The following MACF1 variants were observed in gnomAD, a reference collection of about 807,000 sequenced individuals.
MACF1 encodes microtubule-actin cross-linking factor 1.
MACF1 carries 193 observed loss-of-function variants against 854.8 expected under a neutral mutation model. The observed-to-expected ratio is 0.23, with a 90% CI of 0.20 to 0.25. The LOEUF (loss-of-function observed/expected upper bound fraction) is 0.25, where lower values mean the gene tolerates loss of function less well. MACF1 is among the 10% of genes least tolerant of loss of function. MACF1 has a pLI of 1.00. For missense variants in MACF1, 7,722 were observed against 8,929.1 expected, an observed-to-expected ratio of 0.86 and a Z score of 5.45; for synonymous variants, 3,185 against 3,226.7, an observed-to-expected ratio of 0.99 and a Z score of 0.44.
At chr1:39,471,968 A>G (rs1358255288) in intron 97 of MACF1, among the ~76,000 whole-genome samples, 1 of 152,176 alleles carries the variant, frequency 6.6e-6, no homozygotes, top group Non-Finnish European at 1.5e-5. Flanking sequence ...CTCTATACCC[A>G]TTAAACAATA....
chr1:39,325,774 A>G (rs1223467368), intron 35 of MACF1, among the ~76,000 whole-genome samples: 1 of 152,328 alleles, frequency 6.6e-6, no homozygotes, highest in East Asian at 1.9e-4. Context: ...AAGTAAGAGA[A>G]TTAGTGCCCA....
At chr1:39,101,305 C>T (rs1317172966) in intron 2 of MACF1, among the ~76,000 whole-genome samples, 6 of 147,344 alleles carry the variant, frequency 4.1e-5, no homozygotes, top group South Asian at 2.2e-4. Flanking sequence ...TGCAGTGAGC[C>T]GAGATCACAC....
rs746955922 is a variant in MACF1, at chr1:39,406,756, A to AAAAAAAAAAAAAAAAAAAAAAAAAAAAC, written c.15817-15616_15817-15615insAAAAAAAAAAAAAAAAAAAAAAAAACAA. ...TCTCACTCAAAAAAAAAAAAAAAAA[A>AAAAAAAAAAAAAAAAAAAAAAAAAAAAC]AACATTCTTTATAATAGAATAACCA... On this transcript the variant is annotated intron_variant, in intron 58 of 100. Transcript: ENST00000564288. 8.6e-5 allele frequency among the ~76,000 whole-genome samples: 10 copies of AAAAAAAAAAAAAAAAAAAAAAAAAAAAC among 116,076 alleles called. 1 individual carries two copies. Among genetic ancestry groups the AAAAAAAAAAAAAAAAAAAAAAAAAAAAC allele is most frequent in the South Asian group, 2.6e-4 (1 of 3,820 alleles). The allele number at this position is 116,076 out of a possible 152,430, so 76.2% of individuals were successfully genotyped here.
chr1:39,440,991 G>A lies in MACF1; in HGVS notation c.18448-12G>A, dbSNP rs201415049. On this transcript the variant is annotated splice_polypyrimidine_tract_variant and intron_variant, in intron 72 of 100. Coordinates refer to ENST00000564288, the MANE Select transcript of MACF1 (RefSeq NM_001394062.1). ...TTCTATTTTGGCTTATATTCTATTC[G>A]TTTACATGTAGACTATTAAGGAAGA... is the stretch of plus-strand genomic sequence containing the variant. 1.1e-4 allele frequency: 184 copies of A among 1,613,970 alleles called. No individual in the cohort carries two copies. Among genetic ancestry groups the A allele is most frequent in the Middle Eastern group, 3.3e-4 (2 of 6,060 alleles).
At chr1:39,263,592 C>T (rs1038902045) in intron 6 of MACF1, among the ~76,000 whole-genome samples, 2 of 151,976 alleles carry the variant, frequency 1.3e-5, no homozygotes, top group South Asian at 4.1e-4. Flanking sequence ...TTTCTTTGCC[C>T]TCTCTGCTCC....
rs776165531 is a variant in MACF1, at chr1:39,422,826, G to A, written c.16075G>A (p.Glu5359Lys). ...EPLLSWLADT[E>K]ELIANQKPPS... ...ATTGCTCAGCTGGTTGGCAGATACC[G>A]AGGAGCTCATAGCCAATCAGAAACC... Residue 5359 changes from glutamate (E) to lysine (K), a missense_variant, in exon 60 of 101, where the codon GAG becomes AAG. Physicochemically the swap from Glu to Lys is moderately conservative, Grantham distance 56. This residue lies in a region of MACF1 where 2,807 missense variants were observed against 3,235.8 expected (regional missense o/e 0.87). Coordinates refer to ENST00000564288, the MANE Select transcript of MACF1 (RefSeq NM_001394062.1). The A allele has an allele frequency of 3.7e-6, 6 of 1,614,158 alleles. No individual in the cohort carries two copies. The highest frequency in any genetic ancestry group is 2.2e-5 in the East Asian group (1 of 44,886).
At chr1:39,090,947 G>A (rs1356014857) in intron 2 of MACF1, among the ~76,000 whole-genome samples, 1 of 151,866 alleles carries the variant, frequency 6.6e-6, no homozygotes, top group African/African-American at 2.4e-5. Context: ...ATTTGGCCCG[G>A]CCACTGCTTG....
At chr1:39,448,472 C>CA (rs1002056492) in intron 83 of MACF1, 122 bp from the exon 84 acceptor site, 6 of 785,182 alleles carry the variant, frequency 7.6e-6, no homozygotes, top group Non-Finnish European at 7.5e-6. Context: ...AATTTTAGTT[C>CA]AAAAAAAGTG....
intron 2 of MACF1, among the ~76,000 whole-genome samples, chr1:39,148,436 A>T (rs533816351): frequency 6.6e-6 from 1 of 152,192 alleles, no homozygotes; most frequent in Non-Finnish European, 1.5e-5. Context: ...TAAAATAATA[A>T]ATAAAAATAT....
intron 5 of MACF1, among the ~76,000 whole-genome samples, chr1:39,255,256 A>G (rs895650644): frequency 3.3e-5 from 5 of 152,178 alleles, no homozygotes; most frequent in African/African-American, 1.2e-4. Context: ...TTGATGGATG[A>G]GAAGCAGAGC....
intron 2 of MACF1, among the ~76,000 whole-genome samples, chr1:39,132,599 G>T (rs1169754524): frequency 6.6e-6 from 1 of 152,134 alleles, no homozygotes; most frequent in Non-Finnish European, 1.5e-5. Flanking sequence ...CTAGAGCATG[G>T]CTTGGATCCT....
chr1:39,310,096 A>G (rs921769257), intron 24 of MACF1, 149 bp from the exon 25 acceptor site: 3 of 722,716 alleles, frequency 4.2e-6, no homozygotes, highest in Non-Finnish European at 6.6e-6. Context: ...ATGCTGACTA[A>G]ATGGAGGAAT....
Position 39,175,652 on chromosome 1 carries a change from C to T in MACF1, c.221-55530C>T, listed in dbSNP as rs183157277. Among the ~76,000 whole-genome samples, 113 of 152,186 alleles carry T rather than the reference C, an allele frequency of 7.4e-4. 1 individual carries two copies. The highest frequency in any genetic ancestry group is 2.7e-3 in the African/African-American group (112 of 41,540). On this transcript the variant is annotated intron_variant, in intron 2 of 93. Transcript: ENST00000361689. ...CTTTCTGTTTTTCTAATTTCTTCTT[C>T]CCTTTTAAAAATCCTCACTGCCGGG...
rs141732507 is a variant in MACF1, at chr1:39,368,900, T to C, written c.12938+586T>C. 1.3e-3 allele frequency among the ~76,000 whole-genome samples: 202 copies of C among 152,190 alleles called. 1 individual carries two copies. Among genetic ancestry groups the C allele is most frequent in the African/African-American group, 4.3e-3 (178 of 41,524 alleles). Reference sequence around the variant, plus strand: ...GCCACTTGGACCAAACAGAACAAATTTGAGGCAGCAAGTAAGATTACAGAA... The same window carrying C: ...GCCACTTGGACCAAACAGAACAAATCTGAGGCAGCAAGTAAGATTACAGAA... On this transcript the variant is annotated intron_variant, in intron 50 of 100. Coordinates refer to ENST00000564288, the MANE Select transcript of MACF1 (RefSeq NM_001394062.1).
chr1:39,189,535 C>A (rs1644219161), intron 2 of MACF1, among the ~76,000 whole-genome samples: 1 of 152,180 alleles, frequency 6.6e-6, no homozygotes, highest in Non-Finnish European at 1.5e-5. Flanking sequence ...AATACACAAA[C>A]CCTGTGGTTC....
chr1:39,227,994 TAATC>T (rs779732969), intron 1 of MACF1, among the ~76,000 whole-genome samples: 12 of 152,224 alleles, frequency 7.9e-5, no homozygotes, highest in Non-Finnish European at 1.5e-4. Flanking sequence ...TTATAGCACT[TAATC>T]AACCTGTTTT....
chr1:39,317,188 C>A, intron 28 of MACF1, 26 bp from the exon 29 acceptor site: 1 of 1,607,390 alleles, frequency 6.2e-7, no homozygotes. Context: ...AGTATACAAC[C>A]TGTTTCTGTA....
intron 21 of MACF1, 62 bp from the exon 22 acceptor site, chr1:39,300,148 G>A (rs1359170622): frequency 3.9e-6 from 6 of 1,550,536 alleles, no homozygotes; most frequent in East Asian, 2.3e-5. Flanking sequence ...AGTTTTCTTT[G>A]TTGACTTAGT....
intron 2 of MACF1, among the ~76,000 whole-genome samples, chr1:39,131,107 C>T (rs1221918762): frequency 1.3e-5 from 2 of 150,304 alleles, no homozygotes; most frequent in Non-Finnish European, 2.9e-5. Context: ...CCACCTCAGC[C>T]TCCCAAAGTG....
Sources: allele counts gnomAD v4.1 joint callset (sites outside exome capture counted in the v4.1 genomes callset), GRCh38; gene constraint gnomAD v4.1.1; regional missense constraint gnomAD v4.1.1; transcripts MANE v1.5; gene names NCBI Gene and HGNC (gene_info 2026-07-23, HGNC 2026-07-21).